Variants in ATP2C2 observed in about 807,000 individuals in gnomAD.
ATP2C2 encodes the protein ATPase secretory pathway Ca2+ transporting 2.
A neutral mutation model predicts 110.8 loss-of-function variants in ATP2C2; 171 were observed. The ratio of observed to expected loss-of-function variants is 1.54; its 90% confidence interval spans 1.36 to 1.75. ATP2C2 has a LOEUF of 1.75. Ranked by LOEUF, ATP2C2 falls within the 40% of genes most tolerant of loss-of-function variation. The pLI is 0.00. For synonymous variants in ATP2C2, 804 were observed against 508.4 expected (o/e 1.58, Z -7.82); for missense variants, 1,963 against 1,235.0 (o/e 1.59, Z -8.84).
At position 84,442,418 on chromosome 16, in the gene ATP2C2, A is replaced by AG. The variant is rs542764352; in HGVS notation, c.1312-92_1312-91insG. On this transcript the variant is annotated intron_variant, in intron 14 of 26. Coordinates refer to ENST00000262429, the MANE Select transcript of ATP2C2 (RefSeq NM_014861.4). Reference sequence around the variant, plus strand: ...TTTAAAGAGCAAGTCTTGTCCCCACAACCCCAGCTGTAAAAATGGGACAGG... The same window carrying AG: ...TTTAAAGAGCAAGTCTTGTCCCCACAGACCCCAGCTGTAAAAATGGGACAGG... 1.6e-4 allele frequency: 190 copies of AG among 1,214,638 alleles called. 2 individuals carry two copies. The South Asian group carries it at 1.9e-3, about 12-fold the overall frequency. 75.2% of individuals were successfully genotyped at this position (1,214,638 alleles called of 1,614,324 possible). A position where few individuals can be genotyped will look rare whatever the true frequency, so the allele number is the denominator to read the frequency against.
At chr16:84,417,681 C>G (rs967721345) in intron 7 of ATP2C2, among the ~76,000 whole-genome samples, 8 of 152,170 alleles carry the variant, frequency 5.3e-5, no homozygotes, top group Non-Finnish European at 1.0e-4. Context: ...TGCTTGAGCC[C>G]AGGAGTTCAA....
chr16:84,420,806 T>A (rs1907264315), intron 7 of ATP2C2, among the ~76,000 whole-genome samples: 2 of 152,064 alleles, frequency 1.3e-5, no homozygotes, highest in South Asian at 4.2e-4. Flanking sequence ...CTTGACAGTT[T>A]CGGTTTTGTT....
At chr16:84,420,781 GT>G (rs1332832487) in intron 7 of ATP2C2, among the ~76,000 whole-genome samples, 5 of 152,170 alleles carry the variant, frequency 3.3e-5, no homozygotes, top group African/African-American at 1.2e-4. Context: ...GATGTTCCTT[GT>G]TTTTGACCTT....
chr16:84,459,252 G>A lies in ATP2C2; in HGVS notation c.2217-18G>A. ...ACGCCTGGCGGGCGGCCGCTGACTG[G>A]CTGCGTGTGCCCCGCAGGAGCATCT... On this transcript the variant is annotated intron_variant, in intron 22 of 26. Coordinates refer to ENST00000262429, the MANE Select transcript of ATP2C2 (RefSeq NM_014861.4). 1 of 1,614,056 alleles carries A rather than the reference G, an allele frequency of 6.2e-7. No homozygotes were observed. The highest frequency in any genetic ancestry group is 8.5e-7 in the Non-Finnish European group (1 of 1,179,884).
intron 1 of ATP2C2, among the ~76,000 whole-genome samples, chr16:84,392,789 C>T (rs1567691452): frequency 6.6e-6 from 1 of 152,064 alleles, no homozygotes; most frequent in African/African-American, 2.4e-5. Context: ...TTGTAGTTTA[C>T]ATGCTGGGGA....
At chr16:84,443,233 C>CGGCAGAGGTTAAGAGGAGGG (rs2150571405) in intron 15 of ATP2C2, among the ~76,000 whole-genome samples, 1 of 152,108 alleles carries the variant, frequency 6.6e-6, no homozygotes, top group African/African-American at 2.4e-5. Context: ...AAGGAGGGGC[C>CGGCAGAGGTTAAGAGGAGGG]GGCAGAGGTT....
chr16:84,403,583 C>T (rs1029998828), intron 2 of ATP2C2, among the ~76,000 whole-genome samples: 1 of 152,202 alleles, frequency 6.6e-6, no homozygotes, highest in Non-Finnish European at 1.5e-5. Context: ...TTTGGGATTA[C>T]AGGTATGAGT....
At chr16:84,420,363 C>G (rs1437077179) in intron 7 of ATP2C2, among the ~76,000 whole-genome samples, 1 of 152,144 alleles carries the variant, frequency 6.6e-6, no homozygotes, top group Non-Finnish European at 1.5e-5. Context: ...CCCACACTCA[C>G]TCCCCACCCC....
Position 84,446,400 on chromosome 16 carries a change from G to C in ATP2C2, c.1473G>C (p.Trp491Cys). ...KEIPFSSEQK[W>C]MAVKCSLKTE... The stretch of plus-strand genomic sequence containing the variant: ...TTCCATTCAGTTCAGAGCAGAAGTG[G>C]ATGGCGGTGAAATGCAGTCTGAAGA... The change falls in exon 16 of 27, where the codon TGG becomes TGC. Residue 491 changes from tryptophan (W) to cysteine (C), a missense_variant. By Grantham distance (215) the Trp-to-Cys change is radical. Transcript: ENST00000262429. 1 of 1,605,640 alleles carries C rather than the reference G, an allele frequency of 6.2e-7. No homozygotes were observed. The highest frequency in any genetic ancestry group is 1.1e-5 in the South Asian group (1 of 89,154).
chr16:84,425,695 A>T (rs1419503709), intron 10 of ATP2C2, 40 bp from the exon 11 acceptor site: 7 of 1,595,996 alleles, frequency 4.4e-6, no homozygotes, highest in Non-Finnish European at 6.0e-6. Context: ...CAGCGTGTGT[A>T]GTGCATATGG....
chr16:84,373,975 C>A (rs146725220), intron 1 of ATP2C2, among the ~76,000 whole-genome samples: 204 of 152,340 alleles, frequency 1.3e-3, no homozygotes, highest in African/African-American at 4.7e-3. Flanking sequence ...TCAAGTCCAA[C>A]TGCCAGCAAG....
intron 14 of ATP2C2, 23 bp downstream of exon 14, chr16:84,440,981 G>A: frequency 3.2e-6 from 5 of 1,568,978 alleles, no homozygotes; most frequent in Non-Finnish European, 4.4e-6. Context: ...AGCGCCATGA[G>A]GGAAATAGGC....
chr16:84,452,072 G>T lies in ATP2C2; in HGVS notation c.1812G>T (p.Leu604=), dbSNP rs200154249. The part of the protein sequence containing the change: ...VSVKMITGDA[L]ETALAIGRNI... ...TGAAGATGATAACGGGGGATGCCCT[G>T]GAGACGGCCTTGGCCATAGGTAACT... The change falls in exon 18 of 27, where the codon CTG becomes CTT. Residue 604 remains leucine (L), a synonymous_variant. Transcript: ENST00000262429. The T allele has an allele frequency of 2.5e-5, 41 of 1,613,906 alleles. No individual in the cohort carries two copies. The highest frequency in any genetic ancestry group is 3.4e-5 in the Non-Finnish European group (40 of 1,179,960).
chr16:84,459,287 G>T lies in ATP2C2; in HGVS notation c.2234G>T (p.Ser745Ile), dbSNP rs1232311730. Residue 745 changes from serine (S) to isoleucine (I), a missense_variant, in exon 23 of 27, where the codon AGT (serine) becomes ATT (isoleucine). Ser to Ile is a moderately radical substitution (Grantham distance 142). Coordinates refer to ENST00000262429, the MANE Select transcript of ATP2C2 (RefSeq NM_014861.4). The part of the protein sequence containing the change: ...FQLSTSISAL[S>I]LITLSTVFNL... ...CCCCGCAGGAGCATCTCCGCCCTGA[G>T]TCTCATCACTCTGTCCACCGTGTTC... 12 of 1,614,186 alleles carry T rather than the reference G, an allele frequency of 7.4e-6. No homozygotes were observed. The East Asian group carries it at 2.5e-4, about 33-fold the overall frequency.
intron 20 of ATP2C2, among the ~76,000 whole-genome samples, chr16:84,453,936 G>A (rs911381140): frequency 2.0e-5 from 3 of 152,068 alleles, no homozygotes; most frequent in Non-Finnish European, 2.9e-5. Flanking sequence ...TGCCTCCCAG[G>A]GTTAAGCGAT....
rs759581204 is a variant in ATP2C2, at chr16:84,422,513, A to T, written c.748A>T (p.Thr250Ser). 1.2e-6 allele frequency: 2 copies of T among 1,613,956 alleles called. No individual in the cohort carries two copies. The highest frequency in any genetic ancestry group is 1.7e-6 in the Non-Finnish European group (2 of 1,179,974). ...CCTCAGCAACATCGTCTTCATGGGG[A>T]CCCTGGTGCAGTATGGGAGGGGCCA... ...TTLSNIVFMGTLVQYGRGQGV... is the reference protein window; with the variant it reads ...TTLSNIVFMGSLVQYGRGQGV... Residue 250 changes from threonine (T) to serine (S), a missense_variant, in exon 8 of 27, where the codon ACC becomes TCC. Thr to Ser is a moderately conservative substitution (Grantham distance 58). Transcript: ENST00000262429.
Position 84,420,472 on chromosome 16 carries a change from C to CTT in ATP2C2, c.625-1903_625-1902dup, listed in dbSNP as rs35715518. ...TCATCTTTGATCTCTCCCTTTCTTTCTTTTTTTTTTTTTTTTAAAGGACTT... is the reference window on the plus strand; with the variant it reads ...TCATCTTTGATCTCTCCCTTTCTTTCTTTTTTTTTTTTTTTTTTAAAGGACTT... On this transcript the variant is annotated intron_variant, in intron 7 of 26. Coordinates refer to ENST00000262429, the MANE Select transcript of ATP2C2 (RefSeq NM_014861.4). Among the ~76,000 whole-genome samples the CTT allele has an allele frequency of 5.6e-3, 532 of 95,770 alleles. 9 individuals are homozygous for CTT. Among genetic ancestry groups the CTT allele is most frequent in the South Asian group, 0.014 (52 of 3,600 alleles). The allele number at this position is 95,770 out of a possible 152,430, so 62.8% of individuals were successfully genotyped here.
At position 84,405,116 on chromosome 16, in the gene ATP2C2, C is replaced by G. The variant is rs367671680; in HGVS notation, c.211-12C>G. On this transcript the variant is annotated splice_polypyrimidine_tract_variant and intron_variant, in intron 2 of 26. Coordinates refer to ENST00000262429, the MANE Select transcript of ATP2C2 (RefSeq NM_014861.4). ...GCCCATGAGTGAGCTTGTGCCTGAC[C>G]TCTCCTTCCAGGTGGACTTACACAC... is the stretch of plus-strand genomic sequence containing the variant. 2.5e-5 allele frequency: 40 copies of G among 1,611,504 alleles called. No individual in the cohort carries two copies. The highest frequency in any genetic ancestry group is 3.0e-5 in the Non-Finnish European group (35 of 1,178,054).
intron 13 of ATP2C2, among the ~76,000 whole-genome samples, chr16:84,439,896 C>T (rs1018595420): frequency 6.6e-6 from 1 of 152,336 alleles, no homozygotes; most frequent in Middle Eastern, 3.4e-3. Context: ...AATGCAGTGG[C>T]TGATCTCTGC....
Sources: allele counts gnomAD v4.1 joint callset (sites outside exome capture counted in the v4.1 genomes callset), GRCh38; gene constraint gnomAD v4.1.1; transcripts MANE v1.5; gene names NCBI Gene and HGNC (gene_info 2026-07-23, HGNC 2026-07-21).